Variants in CELF4 observed in about 807,000 individuals in gnomAD.
The protein encoded by CELF4 is CUGBP Elav-like family member 4, also known as CUG-BP- and ETR-3-like factor 4.
In CELF4, 18 loss-of-function variants were observed where a neutral mutation model predicts 59.9. The observed-to-expected ratio is 0.30, with a 90% confidence interval of 0.21 to 0.45. CELF4 has a LOEUF of 0.45. Ranked by LOEUF, CELF4 falls within the 20% of genes least tolerant of loss-of-function variation. The probability of loss-of-function intolerance (pLI) is 1.00; values close to 1 mark genes in which losing one functional copy is unlikely to be tolerated. For missense variants in CELF4, 456 were observed against 689.0 expected, an observed-to-expected ratio of 0.66 and a Z score of 3.79; for synonymous variants, 261 against 267.1, an observed-to-expected ratio of 0.98 and a Z score of 0.22.
intron 2 of CELF4, among the ~76,000 whole-genome samples, chr18:37,450,132 G>C (rs887191799): frequency 1.3e-5 from 2 of 152,172 alleles, no homozygotes; most frequent in African/African-American, 2.4e-5. Flanking sequence ...AGAGGCTAGA[G>C]GGTGTGTGTG....
At chr18:37,319,109 G>C (rs2096984170) in intron 3 of CELF4, among the ~76,000 whole-genome samples, 1 of 152,222 alleles carries the variant, frequency 6.6e-6, no homozygotes, top group South Asian at 2.1e-4. Context: ...CAGCTTCCGT[G>C]TGTCACTGCC....
intron 1 of CELF4, among the ~76,000 whole-genome samples, chr18:37,487,548 G>A (rs781358936): frequency 6.6e-6 from 1 of 152,086 alleles, no homozygotes; most frequent in African/African-American, 2.4e-5. Context: ...GGAGACACCC[G>A]GGGACTGAAA....
chr18:37,304,004 T>G (rs974712782), intron 3 of CELF4, among the ~76,000 whole-genome samples: 2 of 152,246 alleles, frequency 1.3e-5, no homozygotes, highest in South Asian at 2.1e-4. Context: ...TACCCACTAC[T>G]GCCTGACCCA....
intron 12 of CELF4, among the ~76,000 whole-genome samples, chr18:37,247,853 G>A (rs1329216916): frequency 6.6e-6 from 1 of 152,146 alleles, no homozygotes; most frequent in African/African-American, 2.4e-5. Context: ...CAGGGAGCAG[G>A]CGCTCTGCTT....
intron 8 of CELF4, among the ~76,000 whole-genome samples, 163 bp from the exon 9 acceptor site, chr18:37,266,761 C>CT: frequency 6.6e-6 from 1 of 152,322 alleles, no homozygotes; most frequent in Non-Finnish European, 1.5e-5. Flanking sequence ...CCTGGACCCT[C>CT]TGGGGGTCAC....
chr18:37,374,513 G>A (rs2098942453), intron 2 of CELF4, among the ~76,000 whole-genome samples: 1 of 152,150 alleles, frequency 6.6e-6, no homozygotes, highest in Admixed American at 6.5e-5. Context: ...GTTGTGGGTG[G>A]CCAGGTCTGC....
rs558825103 is a variant in CELF4, at chr18:37,418,003, A to G, written c.369+67522T>C. 4.1e-4 allele frequency among the ~76,000 whole-genome samples: 63 copies of G among 152,294 alleles called. 1 individual carries two copies. In the South Asian group the frequency reaches 0.013, roughly 32 times the overall value. On this transcript the variant is annotated intron_variant, in intron 2 of 12. Transcript: ENST00000420428. ...TCAGTTTAAAGACTGGAACCTGCCTACTTTCCTGGTATGCTTGCTTTCCTG... is the reference window on the plus strand; with the variant it reads ...TCAGTTTAAAGACTGGAACCTGCCTGCTTTCCTGGTATGCTTGCTTTCCTG...
intron 2 of CELF4, among the ~76,000 whole-genome samples, chr18:37,378,322 C>A (rs1171949999): frequency 1.3e-5 from 2 of 152,262 alleles, no homozygotes; most frequent in East Asian, 3.9e-4. Flanking sequence ...CTCCGCAGGG[C>A]TGGGCCACCC....
chr18:37,252,006 G>T (rs909938299), intron 12 of CELF4, among the ~76,000 whole-genome samples: 1 of 152,162 alleles, frequency 6.6e-6, no homozygotes, highest in African/African-American at 2.4e-5. Context: ...GCAGAGAGTG[G>T]AGGCACAAGC....
chr18:37,535,185 T>A (rs550485278), intron 1 of CELF4, among the ~76,000 whole-genome samples: 1 of 152,308 alleles, frequency 6.6e-6, no homozygotes, highest in East Asian at 1.9e-4. Context: ...TATGGAGGAT[T>A]AGCTAATTGG....
rs769550192 is a variant in CELF4 at position 37,274,293 on chromosome 18, G to C, written c.801+18C>G. On this transcript the variant is annotated intron_variant, in intron 6 of 12. Coordinates refer to ENST00000420428, the MANE Select transcript of CELF4 (RefSeq NM_020180.4). Reference sequence around the variant, plus strand: ...GGAGTGAGCTTGAGAACCGCTGCCCGTGCGCGCTGCCACTTACTGCCTGAG... The same window carrying C: ...GGAGTGAGCTTGAGAACCGCTGCCCCTGCGCGCTGCCACTTACTGCCTGAG... The C allele has an allele frequency of 6.2e-7, 1 of 1,608,996 alleles. No individual in the cohort carries two copies. Among genetic ancestry groups the C allele is most frequent in the Non-Finnish European group, 8.5e-7 (1 of 1,178,578 alleles).
chr18:37,243,206 T>TA lies in CELF4; in HGVS notation c.*2035dup, dbSNP rs1556932829. ...TTTTTCTTTTTTTTTTTTTTTTTTT[T>TA]ACATCTGGACATCCTAAAAGGAGGA... is the stretch of plus-strand genomic sequence containing the variant. On this transcript the variant is annotated 3_prime_UTR_variant, in exon 13 of 13. Coordinates refer to ENST00000420428, the MANE Select transcript of CELF4 (RefSeq NM_020180.4). The TA allele has an allele frequency of 3.4e-4, 49 of 145,974 alleles. No individual in the cohort carries two copies. The East Asian group carries it at 7.9e-3, about 24-fold the overall frequency. The allele number at this position is 145,974 out of a possible 1,614,324, so 9.0% of individuals were successfully genotyped here.
intron 1 of CELF4, among the ~76,000 whole-genome samples, chr18:37,557,997 CTTTTTTTTTTTTT>C (rs34181233): frequency 9.9e-6 from 1 of 100,766 alleles, no homozygotes; most frequent in Non-Finnish European, 1.9e-5. Context: ...ATCCCTTTTA[CTTTTTTTTTTTTT>C]TTTTTTTTTG....
chr18:37,426,603 C>T (rs573341304), intron 2 of CELF4, among the ~76,000 whole-genome samples: 3 of 151,558 alleles, frequency 2.0e-5, no homozygotes, highest in Admixed American at 6.6e-5. Context: ...TGGGCGCAGG[C>T]GGGGCTGATC....
chr18:37,456,884 T>C lies in CELF4; in HGVS notation c.369+28641A>G, dbSNP rs2099779869. On this transcript the variant is annotated intron_variant, in intron 2 of 12. Transcript: ENST00000420428. Reference sequence around the variant, plus strand: ...CCTGAGACCACACCTCGGGAACTCCTCCAGCCCCAGGCCTGCATGTTTAGA... The same window carrying C: ...CCTGAGACCACACCTCGGGAACTCCCCCAGCCCCAGGCCTGCATGTTTAGA... 2.0e-5 allele frequency among the ~76,000 whole-genome samples: 3 copies of C among 152,046 alleles called. No individual in the cohort carries two copies. The South Asian group carries it at 6.2e-4, about 32-fold the overall frequency.
chr18:37,316,901 G>A (rs867722508), intron 3 of CELF4, among the ~76,000 whole-genome samples: 12 of 152,154 alleles, frequency 7.9e-5, no homozygotes, highest in African/African-American at 2.7e-4. Context: ...CCCAGAGTCC[G>A]AGAAGCCCTC....
At position 37,312,034 on chromosome 18, in the gene CELF4, C is replaced by T. The variant is rs1369163040; in HGVS notation, c.448+9769G>A. 3.4e-5 allele frequency among the ~76,000 whole-genome samples: 5 copies of T among 145,348 alleles called. No individual in the cohort carries two copies. The East Asian group carries it at 6.2e-4, about 18-fold the overall frequency. ...GCTGAGGCAGGAGAATGGCATGAAC[C>T]TGGGAGGTGGAACTTGCAGTGAGCC... On this transcript the variant is annotated intron_variant, in intron 3 of 12. Coordinates refer to ENST00000420428, the MANE Select transcript of CELF4 (RefSeq NM_020180.4).
At chr18:37,509,272 TATA>T (rs2099941592) in intron 1 of CELF4, among the ~76,000 whole-genome samples, 2 of 152,236 alleles carry the variant, frequency 1.3e-5, no homozygotes, top group South Asian at 4.1e-4. Context: ...GATCTAAATT[TATA>T]ATATGTAGGT....
chr18:37,516,748 G>A (rs1459684860), intron 1 of CELF4, among the ~76,000 whole-genome samples: 2 of 152,220 alleles, frequency 1.3e-5, no homozygotes, highest in African/African-American at 2.4e-5. Context: ...TTTCCCTTGT[G>A]TAGCTGGCTC....
Sources: allele counts gnomAD v4.1 joint callset (sites outside exome capture counted in the v4.1 genomes callset), GRCh38; gene constraint gnomAD v4.1.1; transcripts MANE v1.5; gene names NCBI Gene and HGNC (gene_info 2026-07-23, HGNC 2026-07-21).